Variants in RADIL observed in about 807,000 individuals in gnomAD.
RADIL encodes the protein ras-associating and dilute domain-containing protein.
A neutral mutation model predicts 97.6 loss-of-function variants in RADIL; 99 were observed. The observed-to-expected ratio is 1.01, with a 90% CI of 0.86 to 1.20. The LOEUF (loss-of-function observed/expected upper bound fraction) is 1.20. Ranked by LOEUF, RADIL falls within the 50% of genes most tolerant of loss-of-function variation. The pLI is 0.00. For synonymous variants in RADIL, 803 were observed against 691.8 expected, an observed-to-expected ratio of 1.16 and a Z score of -2.52; for missense variants, 1,765 against 1,498.9, an observed-to-expected ratio of 1.18 and a Z score of -2.93.
At chr7:4,809,615 C>A (rs550434468) in intron 9 of RADIL, 1 of 985,444 alleles carries the variant, frequency 1.0e-6, no homozygotes, top group African/African-American at 1.7e-5. Flanking sequence ...GAACTCGACT[C>A]CTTCAGCTCA....
In RADIL at chr7:4,879,593, G is replaced by A. The variant is rs895465614; in HGVS notation, c.-64-1390C>T. Among the ~76,000 whole-genome samples the A allele has an allele frequency of 1.2e-4, 19 of 152,178 alleles. No homozygotes were observed. The highest frequency in any genetic ancestry group is 4.6e-4 in the African/African-American group (19 of 41,448). Reference sequence around the variant, plus strand: ...TCGCCTGCCACTGCGACCGGGGTCAGTACTAAACACCGCAGCAGCCAACTG... The same window carrying A: ...TCGCCTGCCACTGCGACCGGGGTCAATACTAAACACCGCAGCAGCCAACTG... On this transcript the variant is annotated intron_variant, in intron 1 of 14. Coordinates refer to ENST00000399583, the MANE Select transcript of RADIL (RefSeq NM_018059.5). This position sits in a 1 kb window ranked among gnomAD's most constrained non-coding sequence, Gnocchi z 4.1.
Position 4,835,142 on chromosome 7 carries a change from AG to A in RADIL, c.880del (p.Leu294CysfsTer129), listed in dbSNP as rs1418432173. On this transcript the variant is annotated frameshift_variant, in exon 4 of 15. Coordinates refer to ENST00000399583, the MANE Select transcript of RADIL (RefSeq NM_018059.5). LOFTEE classifies it high-confidence loss of function. This position sits in a 1 kb window ranked among gnomAD's most constrained non-coding sequence, Gnocchi z 5.8. ...PSISLSAPDILPLHCTIRRQP... is the reference protein window; with the variant it reads ...PSISLSAPDIXPLHCTIRRQP... ...CCGGCGGATGGTGCAGTGTAGAGGCAGGATGTCGGGGGCTGAGAGGCTGATG... is the reference window on the plus strand; with the variant it reads ...CCGGCGGATGGTGCAGTGTAGAGGCAGATGTCGGGGGCTGAGAGGCTGATG... 1.9e-6 allele frequency: 3 copies of A among 1,610,702 alleles called. No individual in the cohort carries two copies. The highest frequency in any genetic ancestry group is 2.5e-6 in the Non-Finnish European group (3 of 1,179,024).
rs907904757 is a variant in RADIL at position 4,819,235 on chromosome 7, C to T, written c.1616-1884G>A. 6.6e-6 allele frequency among the ~76,000 whole-genome samples: 1 copy of T among 151,986 alleles called. No homozygotes were observed. Among genetic ancestry groups the T allele is most frequent in the African/African-American group, 2.4e-5 (1 of 41,364 alleles). The stretch of plus-strand genomic sequence containing the variant: ...TACAGGCACATGCCACCATGCCTGG[C>T]TAATTTTTGTATTTTTAGTAGAGAC... On this transcript the variant is annotated intron_variant, in intron 6 of 14. Transcript: ENST00000399583. This position sits in a 1 kb window ranked among gnomAD's most constrained non-coding sequence, Gnocchi z 5.8.
chr7:4,855,385 A>G (rs1245989231), intron 2 of RADIL, among the ~76,000 whole-genome samples: 1 of 152,008 alleles, frequency 6.6e-6, no homozygotes, highest in Non-Finnish European at 1.5e-5. Flanking sequence ...CACCCCAAAG[A>G]CTAAGGGGAT....
intron 11 of RADIL, 31 bp from the exon 12 acceptor site, chr7:4,802,026 G>A (rs765390248): frequency 6.9e-7 from 1 of 1,456,838 alleles, no homozygotes; most frequent in Non-Finnish European, 9.1e-7. Context: ...AGCTCAGGTA[G>A]AGGAGTGGCC....
At chr7:4,859,979 A>G (rs780074148) in intron 2 of RADIL, 50 of 1,613,882 alleles carry the variant, frequency 3.1e-5, no homozygotes, top group Non-Finnish European at 4.2e-5. Flanking sequence ...AACTCTGGCG[A>G]CCATGGCCTT....
chr7:4,803,849 C>G (rs766762839), intron 10 of RADIL, 95 bp from the exon 11 acceptor site: 10 of 1,151,280 alleles, frequency 8.7e-6, no homozygotes, highest in African/African-American at 6.1e-5. Flanking sequence ...CAGGGGCCAG[C>G]AGATTGAGCC....
chr7:4,859,432 A>T (rs1283494918), intron 2 of RADIL: 1 of 157,788 alleles, frequency 6.3e-6, no homozygotes, highest in Non-Finnish European at 1.4e-5. Context: ...TAAGGGCAGT[A>T]GTCCTTTGAA....
At chr7:4,808,704 C>A (rs1235476417) in intron 9 of RADIL, 1 of 932,436 alleles carries the variant, frequency 1.1e-6, no homozygotes, top group Non-Finnish European at 1.3e-6. Context: ...CGCCACTGCC[C>A]CTCCGTTTCT....
chr7:4,853,511 G>A (rs999960567), intron 2 of RADIL, among the ~76,000 whole-genome samples: 3 of 152,100 alleles, frequency 2.0e-5, no homozygotes, highest in African/African-American at 7.2e-5. Context: ...GGGAGGCCAG[G>A]GCGGGCAGAT....
At chr7:4,859,955 CA>C (rs1562453590) in intron 2 of RADIL, 1 of 1,613,978 alleles carries the variant, frequency 6.2e-7, no homozygotes. Flanking sequence ...GCTTATGAGA[CA>C]TGTTGAAGAA....
At position 4,817,625 on chromosome 7, in the gene RADIL, G is replaced by A. The variant is rs1346339484; in HGVS notation, c.1616-274C>T. 1.3e-5 allele frequency among the ~76,000 whole-genome samples: 2 copies of A among 152,060 alleles called. No individual in the cohort carries two copies. The highest frequency in any genetic ancestry group is 2.4e-5 in the African/African-American group (1 of 41,412). On this transcript the variant is annotated intron_variant, in intron 6 of 14. Coordinates refer to ENST00000399583, the MANE Select transcript of RADIL (RefSeq NM_018059.5). The surrounding 1 kb of genome is among the most constrained non-coding windows in gnomAD (Gnocchi z 8.3). ...ATGCCCAGCCCAGCCCAGCCCAAGC[G>A]CTCATTCACTCCCACGTTCTGGATA...
Position 4,854,706 on chromosome 7 carries a change from C to T in RADIL, c.536-18101G>A, listed in dbSNP as rs934739924. Among the ~76,000 whole-genome samples, 1 of 152,134 alleles carries T rather than the reference C, an allele frequency of 6.6e-6. No homozygotes were observed. Among genetic ancestry groups the T allele is most frequent in the African/African-American group, 2.4e-5 (1 of 41,430 alleles). ...GAGACTCCGTATCAAAACAAACAAACAAACAAAAACAAAAAGATACCACTT... is the reference window on the plus strand; with the variant it reads ...GAGACTCCGTATCAAAACAAACAAATAAACAAAAACAAAAAGATACCACTT... On this transcript the variant is annotated intron_variant, in intron 2 of 14. Coordinates refer to ENST00000399583, the MANE Select transcript of RADIL (RefSeq NM_018059.5). The surrounding 1 kb of genome is among the most constrained non-coding windows in gnomAD (Gnocchi z 5.1).
At chr7:4,847,257 G>A (rs1783595857) in intron 2 of RADIL, among the ~76,000 whole-genome samples, 1 of 152,122 alleles carries the variant, frequency 6.6e-6, no homozygotes, top group Non-Finnish European at 1.5e-5. Flanking sequence ...GGAGGCAGAG[G>A]TTGTAGTGAG....
At chr7:4,859,291 T>A (rs994202225) in intron 2 of RADIL, 19 of 152,654 alleles carry the variant, frequency 1.2e-4, no homozygotes, top group African/African-American at 4.6e-4. Flanking sequence ...ATAAAAAATA[T>A]AAAGTGCCTC....
At chr7:4,843,864 A>G (rs976644611) in intron 2 of RADIL, among the ~76,000 whole-genome samples, 2 of 150,186 alleles carry the variant, frequency 1.3e-5, no homozygotes, top group African/African-American at 4.9e-5. Context: ...GTGAGCCGAA[A>G]TCACGCCACT....
rs371671145 is a variant in RADIL, at chr7:4,816,455, A to G, written c.1739T>C (p.Ile580Thr). ...CVYYVSKSLYICLPALLECPP... is the reference protein window; with the variant it reads ...CVYYVSKSLYTCLPALLECPP... The stretch of plus-strand genomic sequence containing the variant: ...GCACTCCAGGAGTGCCGGGAGGCAG[A>G]TGTACAGGGACTGGCGGGGGCAAGA... Residue 580 changes from isoleucine to threonine, a missense_variant, in exon 8 of 15, where the codon ATC becomes ACC. Coordinates refer to ENST00000399583, the MANE Select transcript of RADIL (RefSeq NM_018059.5). 10 of 1,607,046 alleles carry G rather than the reference A, an allele frequency of 6.2e-6. No homozygotes were observed. Among genetic ancestry groups the G allele is most frequent in the Admixed American group, 3.4e-5 (2 of 59,510 alleles).
chr7:4,836,164 T>A (rs1206511063), intron 3 of RADIL, among the ~76,000 whole-genome samples, 194 bp downstream of exon 3: 1 of 152,210 alleles, frequency 6.6e-6, no homozygotes, highest in Non-Finnish European at 1.5e-5. Context: ...CACCGTGGCC[T>A]GGACAGGGAA....
At chr7:4,875,175 G>A (rs1784344342) in intron 2 of RADIL, among the ~76,000 whole-genome samples, 1 of 133,810 alleles carries the variant, frequency 7.5e-6, no homozygotes, top group Non-Finnish European at 1.5e-5. Flanking sequence ...CTGGGCGACA[G>A]AGCGAGACTC....
Sources: allele counts gnomAD v4.1 joint callset (sites outside exome capture counted in the v4.1 genomes callset), GRCh38; gene constraint gnomAD v4.1.1; non-coding constraint Gnocchi (gnomAD v3.1); transcripts MANE v1.5; gene names NCBI Gene and HGNC (gene_info 2026-07-23, HGNC 2026-07-21).